GK5: variants seen among roughly 807,000 people sequenced by gnomAD.
GK5 encodes the protein glycerol kinase 5, also known as ATP:glycerol 3-phosphotransferase 5.
GK5 carries 39 observed loss-of-function variants against 77.3 expected under a neutral mutation model. The observed-to-expected ratio is 0.50, with a 90% CI of 0.39 to 0.66. The LOEUF (loss-of-function observed/expected upper bound fraction) is 0.66, where lower values mean the gene tolerates loss of function less well. Among genes scored for constraint, GK5 ranks in the 30% least tolerant of loss-of-function variants. The probability of loss-of-function intolerance (pLI) is 0.00; values close to 1 mark genes in which losing one functional copy is unlikely to be tolerated. For synonymous variants in GK5, 211 were observed against 208.0 expected (o/e 1.01, Z -0.13); for missense variants, 487 against 633.8 (o/e 0.77, Z 2.49).
At chr3:142,210,037 A>G (rs1359870721) in intron 3 of GK5, among the ~76,000 whole-genome samples, 1 of 152,192 alleles carries the variant, frequency 6.6e-6, no homozygotes, top group Non-Finnish European at 1.5e-5. Flanking sequence ...CAGGCTAAAC[A>G]CACCACTTTT....
At chr3:142,174,426 G>A (rs2063580793) in intron 12 of GK5, among the ~76,000 whole-genome samples, 1 of 152,138 alleles carries the variant, frequency 6.6e-6, no homozygotes, top group South Asian at 2.1e-4. Context: ...ACTAAGATTA[G>A]TCAGATTTGG....
chr3:142,174,128 C>T (rs1411862668), intron 12 of GK5, among the ~76,000 whole-genome samples: 1 of 152,136 alleles, frequency 6.6e-6, no homozygotes, highest in African/African-American at 2.4e-5. Context: ...ATAAGTACCA[C>T]AGGGTGGAAC....
chr3:142,182,303 A>T (rs562312505), intron 10 of GK5, among the ~76,000 whole-genome samples: 2 of 152,104 alleles, frequency 1.3e-5, no homozygotes, highest in African/African-American at 4.8e-5. Context: ...TTCACAAAAT[A>T]ATTTTCTAAC....
rs547266190 is a variant in GK5, at chr3:142,201,022, A to G, written c.412-2089T>C. ...CTGATTTCAGAGATGTTAAAATATAACTTATACATTGCTGATGGGAAAGTA... is the reference window on the plus strand; with the variant it reads ...CTGATTTCAGAGATGTTAAAATATAGCTTATACATTGCTGATGGGAAAGTA... On this transcript the variant is annotated intron_variant, in intron 4 of 15. Transcript: ENST00000392993. Among the ~76,000 whole-genome samples, 13 of 152,366 alleles carry G rather than the reference A, an allele frequency of 8.5e-5. 1 individual carries two copies. Among genetic ancestry groups the G allele is most frequent in the African/African-American group, 3.1e-4 (13 of 41,586 alleles).
At chr3:142,190,220 G>C (rs1180734412) in intron 5 of GK5, among the ~76,000 whole-genome samples, 1 of 152,172 alleles carries the variant, frequency 6.6e-6, no homozygotes, top group Non-Finnish European at 1.5e-5. Context: ...AGCACAGAGA[G>C]ACAAAAGGAT....
intron 12 of GK5, chr3:142,173,041 A>G (rs1019648971): frequency 3.6e-5 from 10 of 280,070 alleles, no homozygotes; most frequent in Non-Finnish European, 5.8e-5. Flanking sequence ...CACCTTTACA[A>G]AAAACTTTAA....
intron 5 of GK5, among the ~76,000 whole-genome samples, chr3:142,196,718 T>C (rs1325743801): frequency 1.3e-5 from 2 of 152,204 alleles, no homozygotes; most frequent in Non-Finnish European, 2.9e-5. Context: ...TTGAGGCTTG[T>C]AGTATGGCCT....
Position 142,182,977 on chromosome 3 carries a change from T to A in GK5, c.889A>T (p.Thr297Ser). The A allele has an allele frequency of 5.6e-6, 9 of 1,613,108 alleles. No individual in the cohort carries two copies. Among genetic ancestry groups the A allele is most frequent in the Non-Finnish European group, 7.6e-6 (9 of 1,179,106 alleles). ...QTGDVKLTMG[T>S]GTFLDINTGN... ...GTGTTAATATCCAAAAATGTCCCAGTTCCCATGGTTAATTTCACATCACCT... is the reference window on the plus strand; with the variant it reads ...GTGTTAATATCCAAAAATGTCCCAGATCCCATGGTTAATTTCACATCACCT... Residue 297 changes from threonine (T) to serine (S), a missense_variant, in exon 10 of 16, where the codon ACT (threonine) becomes TCT (serine). Thr to Ser is a moderately conservative substitution (Grantham distance 58). Coordinates refer to ENST00000392993, the MANE Select transcript of GK5 (RefSeq NM_001039547.3).
intron 5 of GK5, among the ~76,000 whole-genome samples, chr3:142,188,291 G>A (rs1402274689): frequency 1.3e-5 from 2 of 152,096 alleles, no homozygotes; most frequent in Non-Finnish European, 2.9e-5. Flanking sequence ...CAGCACTTTG[G>A]GAGGCCGAGG....
chr3:142,185,871 A>C, intron 9 of GK5, 58 bp downstream of exon 9: 1 of 1,546,052 alleles, frequency 6.5e-7, no homozygotes, highest in Non-Finnish European at 8.8e-7. Flanking sequence ...CTCAATTATT[A>C]ATACATATTA....
At chr3:142,209,363 T>C (rs898898668) in intron 3 of GK5, among the ~76,000 whole-genome samples, 2 of 152,160 alleles carry the variant, frequency 1.3e-5, no homozygotes, top group Non-Finnish European at 2.9e-5. Context: ...ATGGCTAGTG[T>C]GGCTGAAAAG....
chr3:142,213,475 T>G, intron 3 of GK5, 51 bp downstream of exon 3: 1 of 1,018,776 alleles, frequency 9.8e-7, no homozygotes. Context: ...AACCGTGTAC[T>G]CACTGTGGCA....
chr3:142,159,853 C>CTCTCTTTTTTTTTTTTTTTTTT lies in GK5; in HGVS notation c.*5768_*5769insAAAAAAAAAAAAAAAAAAGAGA, dbSNP rs1553825247. On this transcript the variant is annotated 3_prime_UTR_variant, in exon 16 of 16. Transcript: ENST00000392993. The stretch of plus-strand genomic sequence containing the variant: ...TTTCTCTCTCTCTCTCTCTCTCTCT[C>CTCTCTTTTTTTTTTTTTTTTTT]TTTTTTTTTTTTGAGACAGAGTCTC... 1.9e-5 allele frequency: 2 copies of CTCTCTTTTTTTTTTTTTTTTTT among 106,124 alleles called. No homozygotes were observed. Among genetic ancestry groups the CTCTCTTTTTTTTTTTTTTTTTT allele is most frequent in the Non-Finnish European group, 1.9e-5 (1 of 53,072 alleles). 6.6% of individuals were successfully genotyped at this position (106,124 alleles called of 1,614,324 possible).
In GK5 at chr3:142,160,043, T is replaced by G. The variant is rs981721194; in HGVS notation, c.*5579A>C. 1 of 152,248 alleles carries G rather than the reference T, an allele frequency of 6.6e-6. No homozygotes were observed. Among genetic ancestry groups the G allele is most frequent in the Non-Finnish European group, 1.5e-5 (1 of 68,106 alleles). The allele number at this position is 152,248 out of a possible 1,614,324, so 9.4% of individuals were successfully genotyped here. ...TTGTATTTTTAGTAGAGATGGGGTT[T>G]CACCATATTGATCAGGCTGGTCTTG... On this transcript the variant is annotated 3_prime_UTR_variant, in exon 16 of 16. Transcript: ENST00000392993.
At chr3:142,194,954 G>A (rs942256838) in intron 5 of GK5, among the ~76,000 whole-genome samples, 20 of 151,506 alleles carry the variant, frequency 1.3e-4, no homozygotes, top group Middle Eastern at 3.4e-3. Context: ...TCTTGTTCCC[G>A]AACTTAGGAG....
intron 15 of GK5, among the ~76,000 whole-genome samples, chr3:142,169,345 C>T (rs1560208698): frequency 6.6e-6 from 1 of 152,206 alleles, no homozygotes; most frequent in African/African-American, 2.4e-5. Context: ...AAGAATACTG[C>T]TAAATTAGTG....
At chr3:142,222,440 C>T (rs1009935325) in intron 1 of GK5, among the ~76,000 whole-genome samples, 2 of 152,084 alleles carry the variant, frequency 1.3e-5, no homozygotes, top group African/African-American at 4.8e-5. Context: ...TGGCGGGCGC[C>T]TGTAGTCCCA....
intron 3 of GK5, among the ~76,000 whole-genome samples, 166 bp from the exon 4 acceptor site, chr3:142,204,954 CACTGCACA>C (rs887029798): frequency 6.6e-6 from 1 of 152,202 alleles, no homozygotes; most frequent in African/African-American, 2.4e-5. Context: ...AAGTTGAACA[CACTGCACA>C]ACAATTATGT....
rs900157576 is a variant in GK5, at chr3:142,178,277, T to C, written c.1049-701A>G. ...TCCTAGGTTTCTGATGAAAGTATCA[T>C]CTACCTGTAATATAATACCCAAGAA... On this transcript the variant is annotated intron_variant, in intron 11 of 15. Coordinates refer to ENST00000392993, the MANE Select transcript of GK5 (RefSeq NM_001039547.3). 2.6e-5 allele frequency among the ~76,000 whole-genome samples: 4 copies of C among 152,188 alleles called. No homozygotes were observed. The East Asian group carries it at 7.7e-4, about 29-fold the overall frequency.
Sources: gnomAD v4.1 joint callset for allele counts (sites outside exome capture counted in the v4.1 genomes callset) on GRCh38, gnomAD v4.1.1 for gene constraint, MANE v1.5 for transcripts, NCBI Gene and HGNC (gene_info 2026-07-23, HGNC 2026-07-21) for gene names.